Variants in GRM7 observed in about 807,000 individuals in gnomAD.
The protein encoded by GRM7 is glutamate metabotropic receptor 7.
A neutral mutation model predicts 84.5 loss-of-function variants in GRM7; 35 were observed. That is an observed-to-expected ratio of 0.41 (90% CI 0.32 to 0.55). The LOEUF (loss-of-function observed/expected upper bound fraction) is 0.55. GRM7 is among the 20% of genes least tolerant of loss of function. The pLI is 0.19. For synonymous variants in GRM7, 487 were observed against 455.1 expected, an observed-to-expected ratio of 1.07 and a Z score of -0.89; for missense variants, 1,003 against 1,194.6, an observed-to-expected ratio of 0.84 and a Z score of 2.36.
At chr3:7,269,444 A>ACC (rs34231933) in intron 2 of GRM7, among the ~76,000 whole-genome samples, 24 of 151,000 alleles carry the variant, frequency 1.6e-4, no homozygotes, top group African/African-American at 4.2e-4. Flanking sequence ...TGATGCCTGA[A>ACC]CCCCCCCCCC....
chr3:7,565,550 G>A (rs1694219420), intron 7 of GRM7, among the ~76,000 whole-genome samples: 1 of 152,182 alleles, frequency 6.6e-6, no homozygotes, highest in African/African-American at 2.4e-5. Flanking sequence ...GCCACTGTGG[G>A]CCAGGAAACT....
chr3:7,040,249 C>T (rs1696544773), intron 1 of GRM7, among the ~76,000 whole-genome samples: 1 of 152,166 alleles, frequency 6.6e-6, no homozygotes, highest in Non-Finnish European at 1.5e-5. Flanking sequence ...TAACAGAAAC[C>T]TCACTGCTAC....
chr3:7,064,485 C>CAT (rs1559415433), intron 1 of GRM7, among the ~76,000 whole-genome samples: 1 of 61,782 alleles, frequency 1.6e-5, no homozygotes, highest in Non-Finnish European at 3.2e-5. Flanking sequence ...TATATACACA[C>CAT]ATATACATAT....
chr3:7,525,222 A>AGCAC (rs1700747716), intron 7 of GRM7, among the ~76,000 whole-genome samples: 4 of 152,010 alleles, frequency 2.6e-5, no homozygotes, highest in African/African-American at 9.7e-5. Flanking sequence ...ATATGTAACT[A>AGCAC]ACCTGGACAT....
At chr3:6,918,270 G>C (rs1246546720) in intron 1 of GRM7, among the ~76,000 whole-genome samples, 1 of 152,206 alleles carries the variant, frequency 6.6e-6, no homozygotes, top group Non-Finnish European at 1.5e-5. Context: ...AGCAGGGAAA[G>C]CTTAAGCCTT....
intron 9 of GRM7, among the ~76,000 whole-genome samples, chr3:7,725,553 G>A (rs538299656): frequency 2.0e-5 from 3 of 152,226 alleles, no homozygotes; most frequent in South Asian, 2.1e-4. Context: ...GCCAGGAAAG[G>A]TCATAGGCAT....
At chr3:6,937,629 A>C (rs1011949693) in intron 1 of GRM7, among the ~76,000 whole-genome samples, 10 of 152,214 alleles carry the variant, frequency 6.6e-5, no homozygotes, top group South Asian at 4.1e-4. Context: ...ACTCTTCCTG[A>C]AAGTGGTCAT....
intron 1 of GRM7, among the ~76,000 whole-genome samples, chr3:7,099,319 G>GTC (rs1559438914): frequency 3.5e-5 from 5 of 142,424 alleles, no homozygotes; most frequent in African/African-American, 1.4e-4. Flanking sequence ...TATTATACAT[G>GTC]TATATATGTA....
At chr3:7,286,106 C>T (rs76542901) in intron 2 of GRM7, among the ~76,000 whole-genome samples, 1,865 of 152,278 alleles carry the variant, frequency 0.012, 26 homozygotes, top group African/African-American at 0.043. Context: ...CCTGTACTTT[C>T]CCCTCATGGG....
At chr3:7,336,878 C>T (rs968259215) in intron 4 of GRM7, among the ~76,000 whole-genome samples, 1 of 151,732 alleles carries the variant, frequency 6.6e-6, no homozygotes, top group Non-Finnish European at 1.5e-5. Flanking sequence ...CAAAACACTG[C>T]TGAAAAAAAA....
chr3:7,672,656 G>C (rs986931928), intron 8 of GRM7, among the ~76,000 whole-genome samples: 3 of 148,888 alleles, frequency 2.0e-5, no homozygotes, highest in African/African-American at 7.5e-5. Context: ...CCAGGCTGGA[G>C]TGCAGTGGTG....
intron 8 of GRM7, among the ~76,000 whole-genome samples, chr3:7,647,485 G>A (rs1486671520): frequency 6.6e-6 from 1 of 152,208 alleles, no homozygotes; most frequent in Non-Finnish European, 1.5e-5. Context: ...AGAGGCTAAG[G>A]TCAGATTGTG....
intron 9 of GRM7, among the ~76,000 whole-genome samples, chr3:7,688,432 A>G (rs1454072839): frequency 6.6e-6 from 1 of 152,072 alleles, no homozygotes; most frequent in Non-Finnish European, 1.5e-5. Context: ...TATTTTCGCA[A>G]TGGTATTCCA....
intron 1 of GRM7, among the ~76,000 whole-genome samples, chr3:6,964,311 T>C (rs1344898844): frequency 2.0e-5 from 3 of 152,204 alleles, no homozygotes; most frequent in Middle Eastern, 3.4e-3. Context: ...CTTTTCTGAG[T>C]TGCAAACTGT....
intron 1 of GRM7, among the ~76,000 whole-genome samples, chr3:6,899,935 A>G (rs1006719773): frequency 1.3e-5 from 2 of 152,214 alleles, no homozygotes; most frequent in African/African-American, 4.8e-5. Flanking sequence ...TCAAGTCAGT[A>G]TCTTTACAGA....
intron 2 of GRM7, among the ~76,000 whole-genome samples, chr3:7,195,534 G>A (rs1695849353): frequency 6.6e-6 from 1 of 152,016 alleles, no homozygotes; most frequent in Admixed American, 6.6e-5. Flanking sequence ...TTGGGATTTT[G>A]GACTATATGT....
chr3:7,644,174 A>G (rs1422259692), intron 8 of GRM7, among the ~76,000 whole-genome samples: 1 of 55,004 alleles, frequency 1.8e-5, no homozygotes, highest in African/African-American at 1.3e-4. Context: ...ATATGTCTGT[A>G]CATATATATA....
chr3:7,352,696 T>C (rs867072769), intron 4 of GRM7, among the ~76,000 whole-genome samples: 1 of 152,122 alleles, frequency 6.6e-6, no homozygotes, highest in South Asian at 2.1e-4. Flanking sequence ...GTCATAAATA[T>C]TGAGCTCTTA....
intron 1 of GRM7, among the ~76,000 whole-genome samples, chr3:6,985,190 C>T (rs1325225857): frequency 6.6e-6 from 1 of 152,140 alleles, no homozygotes; most frequent in African/African-American, 2.4e-5. Context: ...GGGTATCCAT[C>T]CCTCAAGCAT....
Sources: gnomAD v4.1 joint callset for allele counts (sites outside exome capture counted in the v4.1 genomes callset) on GRCh38, gnomAD v4.1.1 for gene constraint, MANE v1.5 for transcripts, NCBI Gene and HGNC (gene_info 2026-07-23, HGNC 2026-07-21) for gene names.